Variants in PLEKHA7 observed in about 807,000 individuals in gnomAD.
PLEKHA7 encodes pleckstrin homology domain-containing family A member 7.
A neutral mutation model predicts 170.0 loss-of-function variants in PLEKHA7; 104 were observed. That is an observed-to-expected ratio of 0.61 (90% confidence interval 0.52 to 0.72). The LOEUF is 0.72. PLEKHA7 is among the 30% of genes least tolerant of loss of function. The probability of loss-of-function intolerance (pLI) is 0.00; values close to 1 mark genes in which losing one functional copy is unlikely to be tolerated. For synonymous variants in PLEKHA7, 648 were observed against 660.8 expected (o/e 0.98, Z 0.30); for missense variants, 1,615 against 1,671.7 (o/e 0.97, Z 0.59).
At chr11:17,005,240 G>C (rs1211977738) in intron 3 of PLEKHA7, among the ~76,000 whole-genome samples, 1 of 152,100 alleles carries the variant, frequency 6.6e-6, no homozygotes, top group African/African-American at 2.4e-5. Flanking sequence ...GACATCAAAA[G>C]AGAATGGAGG....
intron 3 of PLEKHA7, among the ~76,000 whole-genome samples, chr11:16,996,559 C>A (rs1864350187): frequency 6.6e-6 from 1 of 152,234 alleles, no homozygotes; most frequent in Admixed American, 6.5e-5. Context: ...ATGCTTATAA[C>A]CTGCAGGAAG....
chr11:16,897,173 T>TA (rs1174492627), intron 3 of PLEKHA7, among the ~76,000 whole-genome samples: 2 of 151,864 alleles, frequency 1.3e-5, no homozygotes, highest in African/African-American at 2.4e-5. Flanking sequence ...TCGCCCAAGT[T>TA]AAAAAAAATA....
chr11:16,886,710 CA>C (rs35564863), intron 3 of PLEKHA7, among the ~76,000 whole-genome samples: 1,911 of 77,948 alleles, frequency 0.025, 21 homozygotes, highest in African/African-American at 0.083. Context: ...GACTCTGTCT[CA>C]AAAAAAAAAA....
chr11:16,974,208 A>T (rs1192140934), intron 3 of PLEKHA7, among the ~76,000 whole-genome samples: 3 of 151,532 alleles, frequency 2.0e-5, no homozygotes, highest in African/African-American at 7.3e-5. Flanking sequence ...TCGAGGCTGC[A>T]GCGAGCCAGG....
chr11:16,982,780 T>TACACACACAC (rs35725815), intron 3 of PLEKHA7, among the ~76,000 whole-genome samples: 3,313 of 144,072 alleles, frequency 0.023, 59 homozygotes, highest in South Asian at 0.039. Context: ...CACTATCCCC[T>TACACACACAC]ACACACACAC....
chr11:17,013,947 C>CA lies in PLEKHA7; in HGVS notation c.221+41_221+42insT. On this transcript the variant is annotated intron_variant, in intron 3 of 26. Coordinates refer to ENST00000531066, the MANE Select transcript of PLEKHA7 (RefSeq NM_001329630.2). ...CGGCGGGAACGGGGAGGGACCCCCC[C>CA]CCCGCGGCACAGGTGCGAGCGCGGC... The CA allele has an allele frequency of 2.9e-6, 4 of 1,358,836 alleles. No homozygotes were observed. The South Asian group carries it at 4.0e-5, about 14-fold the overall frequency. The allele number at this position is 1,358,836 out of a possible 1,614,324, so 84.2% of individuals were successfully genotyped here. A position where few individuals can be genotyped will look rare whatever the true frequency, so the allele number is the denominator to read the frequency against.
chr11:17,014,039 G>T lies in PLEKHA7; in HGVS notation c.171C>A (p.Pro57=). Residue 57 remains proline (P), a synonymous_variant, in exon 3 of 27, where the codon CCC becomes CCA. Transcript: ENST00000531066. ...NSGHMIRSDL[P]RGWEEGFTEE... is the part of the protein sequence containing the mutation. The stretch of plus-strand genomic sequence containing the variant: ...CCGTGAAGCCCTCCTCCCAGCCGCG[G>T]GGCAGGTCTGCGGAAACGCCAGAAA... 1 of 1,560,620 alleles carries T rather than the reference G, an allele frequency of 6.4e-7. No individual in the cohort carries two copies. Among genetic ancestry groups the T allele is most frequent in the Non-Finnish European group, 8.7e-7 (1 of 1,153,196 alleles).
intron 3 of PLEKHA7, among the ~76,000 whole-genome samples, chr11:16,996,642 G>C (rs541454697): frequency 1.3e-5 from 2 of 152,318 alleles, no homozygotes; most frequent in South Asian, 4.1e-4. Flanking sequence ...TAACTTAAAA[G>C]CTGAATCTCA....
At chr11:16,783,342 C>CA (rs1849175589) in intron 25 of PLEKHA7, among the ~76,000 whole-genome samples, 1 of 152,216 alleles carries the variant, frequency 6.6e-6, no homozygotes, top group African/African-American at 2.4e-5. Flanking sequence ...CATGAGGGTG[C>CA]ACAGGCCCGA....
At chr11:17,008,861 C>T (rs1020815271) in intron 3 of PLEKHA7, among the ~76,000 whole-genome samples, 6 of 152,172 alleles carry the variant, frequency 3.9e-5, no homozygotes, top group African/African-American at 1.2e-4. Context: ...TACTCTAACT[C>T]CCATGGCCTC....
intron 26 of PLEKHA7, among the ~76,000 whole-genome samples, chr11:16,779,384 C>A (rs1212627471): frequency 6.6e-6 from 1 of 152,230 alleles, no homozygotes. Flanking sequence ...GTCATACCCA[C>A]TTCTTAACAA....
At chr11:16,837,621 CTGTT>C (rs1851619012) in intron 9 of PLEKHA7, among the ~76,000 whole-genome samples, 1 of 152,114 alleles carries the variant, frequency 6.6e-6, no homozygotes, top group African/African-American at 2.4e-5. Context: ...CTAGAAGGAG[CTGTT>C]TGTTTATTTA....
Position 17,014,131 on chromosome 11 carries a change from G to A in PLEKHA7, c.157C>T (p.Arg53Cys), listed in dbSNP as rs201642255. ...GEPVNSGHMI[R>C]SDLPRGWEEG... ...CCGCCGGCCCGGCGCCCACCTGAGC[G>A]GATCATGTGGCCCGAGTTGACGGGC... The change falls in exon 2 of 27, where the codon CGC (arginine) becomes TGC (cysteine). Residue 53 changes from arginine to cysteine, a missense_variant. By Grantham distance (180) the Arg-to-Cys change is radical (BLOSUM62 -3). Transcript: ENST00000531066. The A allele has an allele frequency of 2.2e-4, 352 of 1,602,554 alleles. 2 individuals are homozygous for A. In the East Asian group the frequency reaches 7.3e-3, roughly 33 times the overall value.
At chr11:16,801,641 G>T in intron 16 of PLEKHA7, 27 bp downstream of exon 16, 1 of 1,613,416 alleles carries the variant, frequency 6.2e-7, no homozygotes, top group Non-Finnish European at 8.5e-7. Flanking sequence ...CGTCCTGAGG[G>T]AGACAGGTCT....
At chr11:16,930,316 C>T (rs919964084) in intron 3 of PLEKHA7, among the ~76,000 whole-genome samples, 1 of 151,640 alleles carries the variant, frequency 6.6e-6, no homozygotes, top group Non-Finnish European at 1.5e-5. Flanking sequence ...CATGGTGGCA[C>T]CTGCCTACAG....
Position 17,008,002 on chromosome 11 carries a change from C to T in PLEKHA7, c.221+5987G>A, listed in dbSNP as rs541631965. 3.0e-4 allele frequency among the ~76,000 whole-genome samples: 45 copies of T among 152,316 alleles called. 1 individual carries two copies. Among genetic ancestry groups the T allele is most frequent in the Middle Eastern group, 6.8e-3 (2 of 294 alleles). Reference sequence around the variant, plus strand: ...TTTTCAATAAGGAGCCTTGCATTTTCATTTTACACTGAGGCTCTGCAAATT... The same window carrying T: ...TTTTCAATAAGGAGCCTTGCATTTTTATTTTACACTGAGGCTCTGCAAATT... On this transcript the variant is annotated intron_variant, in intron 3 of 26. Transcript: ENST00000531066.
chr11:16,932,818 G>A (rs1311093302), intron 3 of PLEKHA7, among the ~76,000 whole-genome samples: 1 of 152,198 alleles, frequency 6.6e-6, no homozygotes, highest in Middle Eastern at 3.2e-3. Context: ...AAGACCCAGG[G>A]GAAGAGCTGT....
At position 16,889,400 on chromosome 11, in the gene PLEKHA7, C is replaced by CAAAAAAAA. The variant is rs869268116; in HGVS notation, c.222-18226_222-18219dup. Among the ~76,000 whole-genome samples the CAAAAAAAA allele has an allele frequency of 1.9e-3, 101 of 52,682 alleles. 2 individuals carry two copies. The highest frequency in any genetic ancestry group is 3.3e-3 in the Non-Finnish European group (77 of 23,004). The allele number at this position is 52,682 out of a possible 152,430, so 34.6% of individuals were successfully genotyped here. On this transcript the variant is annotated intron_variant, in intron 3 of 26. Transcript: ENST00000531066. Reference sequence around the variant, plus strand: ...CAGGTGAATTAAAAGCTTTATTGCTCAAAAAAAAAAAAAAAAAAAAATATA... The same window carrying CAAAAAAAA: ...CAGGTGAATTAAAAGCTTTATTGCTCAAAAAAAAAAAAAAAAAAAAAAAAAAAAATATA...
intron 3 of PLEKHA7, among the ~76,000 whole-genome samples, chr11:16,915,489 T>A (rs1471882072): frequency 6.6e-6 from 1 of 150,842 alleles, no homozygotes; most frequent in Non-Finnish European, 1.5e-5. Context: ...ATTAGGCATA[T>A]CTCCCAATGC....
Sources: allele counts gnomAD v4.1 joint callset (sites outside exome capture counted in the v4.1 genomes callset), GRCh38; gene constraint gnomAD v4.1.1; transcripts MANE v1.5; gene names NCBI Gene and HGNC (gene_info 2026-07-23, HGNC 2026-07-21).